VXN: variants seen among roughly 807,000 people sequenced by gnomAD.
VXN encodes vexin, also known as uncharacterized protein C8orf46.
VXN carries 7 observed loss-of-function variants against 23.1 expected under a neutral mutation model. The observed-to-expected ratio is 0.30, with a 90% CI of 0.17 to 0.57. VXN has a LOEUF of 0.57. VXN is among the 20% of genes least tolerant of loss of function. VXN has a pLI of 0.91. For synonymous variants in VXN, 120 were observed against 105.8 expected (o/e 1.13, Z -0.83); for missense variants, 238 against 272.6 (o/e 0.87, Z 0.89).
intron 3 of VXN, among the ~76,000 whole-genome samples, chr8:66,509,695 C>G (rs1356268949): frequency 1.3e-5 from 2 of 152,144 alleles, no homozygotes; most frequent in Non-Finnish European, 2.9e-5. Flanking sequence ...GCTAAATGAT[C>G]CACATGTGTG....
At chr8:66,515,506 G>A (rs747581311) in intron 5 of VXN, among the ~76,000 whole-genome samples, 3 of 152,220 alleles carry the variant, frequency 2.0e-5, no homozygotes, top group Non-Finnish European at 4.4e-5. Context: ...CAGATGGGAA[G>A]CAGGATTCCA....
intron 2 of VXN, chr8:66,503,289 T>G (rs1744086190): frequency 6.6e-6 from 1 of 152,216 alleles, no homozygotes; most frequent in South Asian, 2.1e-4. Context: ...AGTTTCCCTA[T>G]GTATAAAATT....
intron 5 of VXN, 171 bp downstream of exon 5, chr8:66,513,808 C>A: frequency 1.8e-6 from 1 of 569,678 alleles, no homozygotes; most frequent in Non-Finnish European, 3.1e-6. Context: ...GTCTCTGCAG[C>A]GCCTCATCAA....
rs1278629420 is a variant in VXN at position 66,493,611 on chromosome 8, C to T, written c.-38C>T. ...GCGACTAGGGGTCCAGAGACAGAGG[C>T]CTCCAGTTCCCAGGCACTTCGGGAA... is the stretch of plus-strand genomic sequence containing the variant. On this transcript the variant is annotated 5_prime_UTR_variant, in exon 1 of 6. Transcript: ENST00000305454. 6.3e-7 allele frequency: 1 copy of T among 1,582,374 alleles called. No individual in the cohort carries two copies. Among genetic ancestry groups the T allele is most frequent in the Non-Finnish European group, 8.7e-7 (1 of 1,152,246 alleles).
At chr8:66,512,696 A>G (rs541162838) in intron 4 of VXN, among the ~76,000 whole-genome samples, 7 of 152,302 alleles carry the variant, frequency 4.6e-5, no homozygotes, top group Non-Finnish European at 5.9e-5. Flanking sequence ...ACCTGAGGAC[A>G]GAGAAAGATC....
At chr8:66,498,660 T>A (rs1248181543) in intron 2 of VXN, among the ~76,000 whole-genome samples, 1 of 152,148 alleles carries the variant, frequency 6.6e-6, no homozygotes, top group Non-Finnish European at 1.5e-5. Flanking sequence ...ACTAAGCGAC[T>A]AACAGGTGGG....
At chr8:66,501,742 G>C (rs1807694779) in intron 2 of VXN, among the ~76,000 whole-genome samples, 1 of 152,134 alleles carries the variant, frequency 6.6e-6, no homozygotes, top group African/African-American at 2.4e-5. Context: ...ATTCAAATTA[G>C]AAGAGAGGCA....
intron 4 of VXN, 124 bp downstream of exon 4, chr8:66,510,281 A>G: frequency 1.2e-6 from 1 of 809,234 alleles, no homozygotes; most frequent in Non-Finnish European, 1.9e-6. Context: ...TTATTAGAAA[A>G]GCATAACTGG....
At chr8:66,504,336 C>CCGAGAG (rs1807723244) in intron 2 of VXN, among the ~76,000 whole-genome samples, 1 of 152,130 alleles carries the variant, frequency 6.6e-6, no homozygotes, top group Admixed American at 6.5e-5. Flanking sequence ...CTCCTCCTTT[C>CCGAGAG]CGAGAGCGAT....
At chr8:66,503,626 C>A (rs1219805181) in intron 2 of VXN, 3 of 152,262 alleles carry the variant, frequency 2.0e-5, no homozygotes, top group Admixed American at 2.0e-4. Context: ...AGCATTCAAC[C>A]CTTCTCTCTC....
chr8:66,496,609 A>G, intron 2 of VXN, 117 bp downstream of exon 2: 1 of 911,778 alleles, frequency 1.1e-6, no homozygotes, highest in Non-Finnish European at 1.8e-6. Context: ...TCAGTGTTCC[A>G]TGTGGTGCGT....
chr8:66,511,804 C>A (rs898235032), intron 4 of VXN, among the ~76,000 whole-genome samples: 1 of 152,116 alleles, frequency 6.6e-6, no homozygotes, highest in Admixed American at 6.5e-5. Flanking sequence ...CAGTGGCTCA[C>A]AGCTGTAATC....
chr8:66,516,375 A>G lies in VXN; in HGVS notation c.*299A>G. The G allele has an allele frequency of 4.8e-6, 1 of 208,144 alleles. No homozygotes were observed. 12.9% of individuals were successfully genotyped at this position (208,144 alleles called of 1,614,324 possible). On this transcript the variant is annotated 3_prime_UTR_variant, in exon 6 of 6. Coordinates refer to ENST00000305454, the MANE Select transcript of VXN (RefSeq NM_152765.4). ...ATTAAACTTTCCCAGCTCATTTTAAAGACCTCCAAGGAAGGAAAAAAGCAA... is the reference window on the plus strand; with the variant it reads ...ATTAAACTTTCCCAGCTCATTTTAAGGACCTCCAAGGAAGGAAAAAAGCAA...
rs536839970 is a variant in VXN at position 66,496,528 on chromosome 8, C to T, written c.126+36C>T. ...TTTAGTTTTGATGTTCTTTGGTTGACTTTCATTTAAAAAGCAATGCCAGGC... is the reference window on the plus strand; with the variant it reads ...TTTAGTTTTGATGTTCTTTGGTTGATTTTCATTTAAAAAGCAATGCCAGGC... On this transcript the variant is annotated intron_variant, in intron 2 of 5. Coordinates refer to ENST00000305454, the MANE Select transcript of VXN (RefSeq NM_152765.4). The T allele has an allele frequency of 8.4e-4, 1,345 of 1,597,468 alleles. 2 individuals carry two copies. The highest frequency in any genetic ancestry group is 1.1e-3 in the Non-Finnish European group (1,250 of 1,165,014).
At chr8:66,509,872 C>T (rs1405653455) in intron 3 of VXN, among the ~76,000 whole-genome samples, 1 of 152,072 alleles carries the variant, frequency 6.6e-6, no homozygotes, top group African/African-American at 2.4e-5. Context: ...GTCAATGAAC[C>T]TACATAGACA....
At position 66,517,685 on chromosome 8, in the gene VXN, C is replaced by G. The variant is rs938253605; in HGVS notation, c.*1609C>G. ...GTCATCTGTGGCCTAAACTCTGCCC[C>G]TGAAGGTTTGTTTTCTAATTCAGAG... On this transcript the variant is annotated 3_prime_UTR_variant, in exon 6 of 6. Coordinates refer to ENST00000305454, the MANE Select transcript of VXN (RefSeq NM_152765.4). 2 of 152,198 alleles carry G rather than the reference C, an allele frequency of 1.3e-5. No individual in the cohort carries two copies. Among genetic ancestry groups the G allele is most frequent in the African/African-American group, 4.8e-5 (2 of 41,458 alleles). The allele number at this position is 152,198 out of a possible 1,614,324, so 9.4% of individuals were successfully genotyped here.
At chr8:66,507,276 G>A (rs1024553554) in intron 3 of VXN, among the ~76,000 whole-genome samples, 1 of 152,164 alleles carries the variant, frequency 6.6e-6, no homozygotes, top group East Asian at 1.9e-4. Context: ...TCCAGGTTTA[G>A]GGAACATTAA....
At position 66,517,358 on chromosome 8, in the gene VXN, G is replaced by C. The variant is rs1257765999; in HGVS notation, c.*1282G>C. On this transcript the variant is annotated 3_prime_UTR_variant, in exon 6 of 6. Coordinates refer to ENST00000305454, the MANE Select transcript of VXN (RefSeq NM_152765.4). ...CTAATCTTTCTAAAAACTCTATTAG[G>C]TGGCCCTATCCACTTAATAGATGCC... 6.6e-6 allele frequency: 1 copy of C among 152,118 alleles called. No individual in the cohort carries two copies. Among genetic ancestry groups the C allele is most frequent in the Non-Finnish European group, 1.5e-5 (1 of 68,026 alleles). 9.4% of individuals were successfully genotyped at this position (152,118 alleles called of 1,614,324 possible).
chr8:66,507,299 C>A (rs1807770339), intron 3 of VXN, among the ~76,000 whole-genome samples: 1 of 152,166 alleles, frequency 6.6e-6, no homozygotes, highest in Non-Finnish European at 1.5e-5. Context: ...TGTATTTTAA[C>A]AACCCTCTCC....
Sources: allele counts gnomAD v4.1 joint callset (sites outside exome capture counted in the v4.1 genomes callset), GRCh38; gene constraint gnomAD v4.1.1; transcripts MANE v1.5; gene names NCBI Gene and HGNC (gene_info 2026-07-23, HGNC 2026-07-21).